SNTG2: variants seen among roughly 807,000 people sequenced by gnomAD.
SNTG2 encodes syntrophin gamma 2.
In SNTG2, 74 loss-of-function variants were observed where a neutral mutation model predicts 70.9. The ratio of observed to expected loss-of-function variants is 1.04; its 90% CI spans 0.86 to 1.27. The LOEUF (loss-of-function observed/expected upper bound fraction) is 1.27, where lower values mean the gene tolerates loss of function less well. SNTG2 is among the 50% of genes most tolerant of loss of function. SNTG2 has a pLI of 0.00. For synonymous variants in SNTG2, 278 were observed against 273.8 expected (o/e 1.02, Z -0.15); for missense variants, 717 against 690.7 (o/e 1.04, Z -0.43).
At chr2:1,161,692 A>G (rs1265663483) in intron 6 of SNTG2, 1 of 152,234 alleles carries the variant, frequency 6.6e-6, no homozygotes, top group East Asian at 1.9e-4. Flanking sequence ...TTGTTCGGGT[A>G]TTTTAAAGTC....
At chr2:973,843 T>G (rs1364673184) in intron 1 of SNTG2, among the ~76,000 whole-genome samples, 1 of 152,352 alleles carries the variant, frequency 6.6e-6, no homozygotes, top group East Asian at 1.9e-4. Context: ...TGCTCTGTAT[T>G]GCTTTCATTC....
chr2:1,217,041 T>C (rs533059871), intron 9 of SNTG2, among the ~76,000 whole-genome samples: 38 of 152,288 alleles, frequency 2.5e-4, no homozygotes, highest in African/African-American at 8.9e-4. Flanking sequence ...TTCCACCATG[T>C]GCCGACATCA....
intron 1 of SNTG2, among the ~76,000 whole-genome samples, chr2:986,586 T>C (rs914121741): frequency 6.6e-6 from 1 of 152,240 alleles, no homozygotes; most frequent in East Asian, 1.9e-4. Flanking sequence ...AGGATCGGCA[T>C]ACCAGTGGCT....
At chr2:1,201,143 C>A (rs1483159158) in intron 8 of SNTG2, among the ~76,000 whole-genome samples, 1 of 151,884 alleles carries the variant, frequency 6.6e-6, no homozygotes, top group Non-Finnish European at 1.5e-5. Context: ...GTGGTGTTAA[C>A]CTAAGTGTCC....
At chr2:1,285,816 CCTT>C (rs1679740981) in intron 14 of SNTG2, among the ~76,000 whole-genome samples, 1 of 152,120 alleles carries the variant, frequency 6.6e-6, no homozygotes, top group African/African-American at 2.4e-5. Flanking sequence ...AAGACCCAAA[CCTT>C]CATTCCTGAA....
chr2:1,158,987 AG>A (rs1277617850), intron 6 of SNTG2, among the ~76,000 whole-genome samples: 1 of 151,964 alleles, frequency 6.6e-6, no homozygotes, highest in Non-Finnish European at 1.5e-5. Flanking sequence ...CGTAGAGGAG[AG>A]GAAGTCAGCT....
chr2:1,064,239 TAA>T (rs1663009754), intron 1 of SNTG2, among the ~76,000 whole-genome samples: 1 of 151,740 alleles, frequency 6.6e-6, no homozygotes, highest in African/African-American at 2.4e-5. Context: ...AGAAGTAAAA[TAA>T]AAAGATTAAA....
chr2:1,221,161 A>T (rs1196004688), intron 9 of SNTG2, among the ~76,000 whole-genome samples: 2 of 152,188 alleles, frequency 1.3e-5, no homozygotes, highest in African/African-American at 4.8e-5. Context: ...TCTCTGGGGC[A>T]GTGGTCCCCA....
At chr2:1,080,475 T>C (rs577573669) in intron 1 of SNTG2, among the ~76,000 whole-genome samples, 62 of 152,362 alleles carry the variant, frequency 4.1e-4, no homozygotes, top group African/African-American at 1.4e-3. Context: ...GTGGTGTGTA[T>C]GTGCCTATGT....
intron 4 of SNTG2, among the ~76,000 whole-genome samples, chr2:1,109,486 A>T (rs982632875): frequency 6.6e-6 from 1 of 152,192 alleles, no homozygotes; most frequent in South Asian, 2.1e-4. Context: ...GGATCTTCAT[A>T]AAAAACATAT....
intron 8 of SNTG2, among the ~76,000 whole-genome samples, chr2:1,184,926 A>G (rs1249461971): frequency 2.0e-5 from 3 of 152,242 alleles, no homozygotes; most frequent in African/African-American, 4.8e-5. Context: ...TCAAAAGTCC[A>G]TAGTTCAAAG....
intron 7 of SNTG2, among the ~76,000 whole-genome samples, chr2:1,168,783 C>A (rs1003302681): frequency 2.6e-5 from 4 of 152,064 alleles, no homozygotes; most frequent in Admixed American, 1.3e-4. Flanking sequence ...GAAGGAGCCA[C>A]GGGAGCATGA....
chr2:1,166,615 T>C (rs562933120), intron 7 of SNTG2, among the ~76,000 whole-genome samples: 1 of 152,238 alleles, frequency 6.6e-6, no homozygotes, highest in Non-Finnish European at 1.5e-5. Flanking sequence ...GGCAGGGAAG[T>C]GCTGGGAGGA....
chr2:1,331,381 C>T (rs934466336), intron 16 of SNTG2, among the ~76,000 whole-genome samples: 5 of 152,232 alleles, frequency 3.3e-5, no homozygotes, highest in African/African-American at 1.2e-4. Flanking sequence ...GACTGGAATA[C>T]TGTGAAGCAG....
At chr2:1,308,441 A>G (rs1680812314) in intron 14 of SNTG2, 53 bp from the exon 15 acceptor site, 2 of 1,491,836 alleles carry the variant, frequency 1.3e-6, no homozygotes, top group Non-Finnish European at 1.8e-6. Context: ...ACCTAATTAA[A>G]GTTAAACAGC....
intron 9 of SNTG2, among the ~76,000 whole-genome samples, chr2:1,217,148 A>G (rs1306126516): frequency 1.3e-5 from 2 of 152,168 alleles, no homozygotes; most frequent in Admixed American, 1.3e-4. Flanking sequence ...GACTATAAAG[A>G]GTAGATGCAT....
chr2:1,123,999 G>T (rs1037564548), intron 4 of SNTG2, among the ~76,000 whole-genome samples: 3 of 151,794 alleles, frequency 2.0e-5, no homozygotes, highest in East Asian at 3.9e-4. Context: ...GGAGATGACG[G>T]TCAGAGGGCA....
At chr2:1,194,770 C>T (rs1672802839) in intron 8 of SNTG2, among the ~76,000 whole-genome samples, 1 of 152,104 alleles carries the variant, frequency 6.6e-6, no homozygotes, top group Admixed American at 6.6e-5. Flanking sequence ...GGTAGATGTG[C>T]AGAACGTGCA....
chr2:1,141,661 C>T (rs1035535925), intron 6 of SNTG2, among the ~76,000 whole-genome samples: 3 of 152,176 alleles, frequency 2.0e-5, no homozygotes, highest in Non-Finnish European at 4.4e-5. Flanking sequence ...TTTGGTTTTC[C>T]GTTTTCCAAA....
Sources: allele counts gnomAD v4.1 joint callset (sites outside exome capture counted in the v4.1 genomes callset), GRCh38; gene constraint gnomAD v4.1.1; transcripts MANE v1.5; gene names NCBI Gene and HGNC (gene_info 2026-07-23, HGNC 2026-07-21).